HIPK3: variants seen among roughly 807,000 people sequenced by gnomAD.
The protein encoded by HIPK3 is homeodomain interacting protein kinase 3.
In HIPK3, 47 loss-of-function variants were observed where a neutral mutation model predicts 124.2. The ratio of observed to expected loss-of-function variants is 0.38; its 90% CI spans 0.30 to 0.48. The LOEUF (loss-of-function observed/expected upper bound fraction) is 0.48. HIPK3 is among the 20% of genes least tolerant of loss of function. The probability of loss-of-function intolerance (pLI) is 0.98; values close to 1 mark genes in which losing one functional copy is unlikely to be tolerated. For synonymous variants in HIPK3, 482 were observed against 515.2 expected, an observed-to-expected ratio of 0.94 and a Z score of 0.87; for missense variants, 1,286 against 1,454.3, an observed-to-expected ratio of 0.88 and a Z score of 1.88.
At chr11:33,342,019 G>A (rs965515056) in intron 8 of HIPK3, among the ~76,000 whole-genome samples, 7 of 147,908 alleles carry the variant, frequency 4.7e-5, no homozygotes, top group African/African-American at 1.7e-4. Flanking sequence ...GGAAATGGAG[G>A]TTGAAGCTGG....
intron 1 of HIPK3, among the ~76,000 whole-genome samples, chr11:33,259,374 G>A (rs1376466699): frequency 2.6e-5 from 4 of 152,192 alleles, no homozygotes; most frequent in African/African-American, 9.7e-5. Context: ...ATGTTTGCAA[G>A]TGCAGTGCTA....
At chr11:33,308,085 G>A (rs538996248) in intron 2 of HIPK3, among the ~76,000 whole-genome samples, 68 of 152,118 alleles carry the variant, frequency 4.5e-4, no homozygotes, top group Non-Finnish European at 8.8e-4. Flanking sequence ...CACCCATCTG[G>A]AATTGATTTT....
At chr11:33,350,265 A>G (rs1435781855) in intron 14 of HIPK3, among the ~76,000 whole-genome samples, 4 of 152,302 alleles carry the variant, frequency 2.6e-5, no homozygotes, top group East Asian at 3.9e-4. Context: ...ACTGATTTGC[A>G]TGGTTTTATC....
intron 1 of HIPK3, 63 bp from the exon 2 acceptor site, chr11:33,286,350 T>A (rs973593140): frequency 3.0e-6 from 4 of 1,321,376 alleles, no homozygotes; most frequent in Non-Finnish European, 3.0e-6. Flanking sequence ...GAAAAAAAAA[T>A]TGTTGACATT....
intron 1 of HIPK3, among the ~76,000 whole-genome samples, chr11:33,268,152 A>C (rs1368503301): frequency 2.0e-5 from 3 of 152,216 alleles, no homozygotes; most frequent in Non-Finnish European, 4.4e-5. Flanking sequence ...CGGATGTTAC[A>C]GTGAGCCAAG....
At chr11:33,310,994 C>T (rs989276573) in intron 2 of HIPK3, among the ~76,000 whole-genome samples, 8 of 152,132 alleles carry the variant, frequency 5.3e-5, no homozygotes, top group Admixed American at 2.6e-4. Flanking sequence ...TTTGTTTTGC[C>T]GGCCCAGTGG....
At chr11:33,342,060 G>A (rs549630373) in intron 8 of HIPK3, among the ~76,000 whole-genome samples, 194 of 135,248 alleles carry the variant, frequency 1.4e-3, no homozygotes, top group Middle Eastern at 5.1e-3. Context: ...CCGAGATTGC[G>A]CCACTGCGCT....
chr11:33,323,011 A>G (rs1266862834), intron 2 of HIPK3, among the ~76,000 whole-genome samples: 1 of 152,188 alleles, frequency 6.6e-6, no homozygotes, highest in Admixed American at 6.5e-5. Flanking sequence ...GTGAGCTGAC[A>G]TGGCCTGTCC....
intron 8 of HIPK3, among the ~76,000 whole-genome samples, chr11:33,341,945 CA>C (rs1191589467): frequency 1.3e-5 from 2 of 151,464 alleles, no homozygotes; most frequent in African/African-American, 4.9e-5. Context: ...CCTAAAAATA[CA>C]AAAAATTAGC....
chr11:33,271,436 T>C (rs12222639), intron 1 of HIPK3, among the ~76,000 whole-genome samples: 1 of 152,234 alleles, frequency 6.6e-6, no homozygotes, highest in East Asian at 1.9e-4. Context: ...TGTGGTGGCA[T>C]GAGCCTGTAA....
chr11:33,340,579 A>G (rs141105274), intron 6 of HIPK3, among the ~76,000 whole-genome samples: 4 of 152,202 alleles, frequency 2.6e-5, no homozygotes, highest in African/African-American at 9.6e-5. Flanking sequence ...AACACTTAAA[A>G]TGTCCTAATG....
intron 2 of HIPK3, among the ~76,000 whole-genome samples, chr11:33,287,777 G>A (rs1208294621): frequency 6.6e-6 from 1 of 152,112 alleles, no homozygotes; most frequent in Non-Finnish European, 1.5e-5. Flanking sequence ...AGGAATGATA[G>A]GTGATTAATA....
At chr11:33,257,108 G>C (rs1170463798), upstream of HIPK3, among the ~76,000 whole-genome samples, 1 of 152,158 alleles carries the variant, frequency 6.6e-6, no homozygotes. Flanking sequence ...CAGAACAGCA[G>C]AGCCGGGCTG....
intron 15 of HIPK3, 77 bp downstream of exon 15, chr11:33,351,920 C>G: frequency 1.6e-6 from 2 of 1,235,870 alleles, no homozygotes; most frequent in South Asian, 1.4e-5. Flanking sequence ...AATGCAGTTG[C>G]CAAAGTCATC....
intron 10 of HIPK3, 41 bp downstream of exon 10, chr11:33,347,794 C>T (rs1366458159): frequency 1.2e-6 from 2 of 1,613,108 alleles, no homozygotes; most frequent in South Asian, 2.2e-5. Flanking sequence ...AGTTTGCAGA[C>T]TAGATCTTGA....
chr11:33,312,935 T>C (rs1022446388), intron 2 of HIPK3, among the ~76,000 whole-genome samples: 2 of 152,212 alleles, frequency 1.3e-5, no homozygotes, highest in Non-Finnish European at 2.9e-5. Context: ...TTGTAAGTAA[T>C]TGCCAGAGTT....
rs145352821 is a variant in HIPK3 at position 33,277,898 on chromosome 11, T to C, written c.-2-8515T>C. On this transcript the variant is annotated intron_variant, in intron 1 of 16. Transcript: ENST00000303296. The stretch of plus-strand genomic sequence containing the variant: ...GCTTGTATTTCCTGTCTGTGAATTG[T>C]CTGTTTATATCTTCTGTCCATTTGT... Among the ~76,000 whole-genome samples, 904 of 152,320 alleles carry C rather than the reference T, an allele frequency of 5.9e-3. 14 individuals are homozygous for C. The highest frequency in any genetic ancestry group is 5.1e-3 in the Non-Finnish European group (350 of 68,024).
chr11:33,351,660 A>G lies in HIPK3; in HGVS notation c.2860A>G (p.Thr954Ala), dbSNP rs927234802. The G allele has an allele frequency of 7.4e-6, 12 of 1,614,082 alleles. No homozygotes were observed. Among genetic ancestry groups the G allele is most frequent in the African/African-American group, 1.3e-5 (1 of 74,934 alleles). Reference protein sequence around the residue: ...SSCDTVDGSPTSDSSGHDSPF... With the variant: ...SSCDTVDGSPASDSSGHDSPF... ...TTGTGATACGGTGGATGGCTCTCCG[A>G]CATCTGACTCTTCCGGGCATGACAG... Residue 954 changes from threonine (T) to alanine (A), a missense_variant, in exon 15 of 17, where the codon ACA (threonine) becomes GCA (alanine). By Grantham distance (58) the Thr-to-Ala change is moderately conservative (BLOSUM62 0). Transcript: ENST00000303296.
chr11:33,316,466 G>A (rs1053149090), intron 2 of HIPK3, among the ~76,000 whole-genome samples: 1 of 152,136 alleles, frequency 6.6e-6, no homozygotes, highest in African/African-American at 2.4e-5. Context: ...AAGCTTGAAG[G>A]GACATCTCCA....
Sources: gnomAD v4.1 joint callset for allele counts (sites outside exome capture counted in the v4.1 genomes callset) on GRCh38, gnomAD v4.1.1 for gene constraint, MANE v1.5 for transcripts, NCBI Gene and HGNC (gene_info 2026-07-23, HGNC 2026-07-21) for gene names.